POU6F2: variants seen among roughly 807,000 people sequenced by gnomAD.
POU6F2 encodes the protein POU class 6 homeobox 2.
A neutral mutation model predicts 71.3 loss-of-function variants in POU6F2; 31 were observed. That is an observed-to-expected ratio of 0.43 (90% CI 0.33 to 0.59). The LOEUF is 0.59. POU6F2 is among the 20% of genes least tolerant of loss of function. The pLI is 0.04. For synonymous variants in POU6F2, 347 were observed against 355.7 expected, an observed-to-expected ratio of 0.98 and a Z score of 0.27; for missense variants, 783 against 856.8, an observed-to-expected ratio of 0.91 and a Z score of 1.07.
At chr7:38,995,008 A>T (rs1252782762) in intron 1 of POU6F2, among the ~76,000 whole-genome samples, 2 of 152,218 alleles carry the variant, frequency 1.3e-5, no homozygotes, top group East Asian at 3.8e-4. Context: ...CCCCAGAAGA[A>T]ATCCCTGGAA....
chr7:39,263,660 C>T (rs1412062511), intron 4 of POU6F2, among the ~76,000 whole-genome samples: 1 of 97,146 alleles, frequency 1.0e-5, no homozygotes, highest in Non-Finnish European at 2.2e-5. Flanking sequence ...CATGCGTGTT[C>T]ACGCACACAC....
chr7:39,091,878 G>A (rs1791368701), intron 2 of POU6F2, among the ~76,000 whole-genome samples: 1 of 152,220 alleles, frequency 6.6e-6, no homozygotes, highest in African/African-American at 2.4e-5. Flanking sequence ...CAGTTAATTT[G>A]TGAGAGAACT....
At chr7:39,328,224 G>A (rs1011277824) in intron 4 of POU6F2, among the ~76,000 whole-genome samples, 38 of 152,234 alleles carry the variant, frequency 2.5e-4, no homozygotes, top group African/African-American at 9.1e-4. Flanking sequence ...CGACCGAATC[G>A]GGTTTCTTTA....
chr7:39,460,626 G>A lies in POU6F2; in HGVS notation c.1569G>A (p.Arg523=), dbSNP rs756075186. Reference sequence around the variant, plus strand: ...AATTTGCCAAAGCTTTTAAAATCCGGCGCCTGTCCCTTGGCCTGACCCAGA... The same window carrying A: ...AATTTGCCAAAGCTTTTAAAATCCGACGCCTGTCCCTTGGCCTGACCCAGA... ...IREFAKAFKI[R]RLSLGLTQTQ... The change falls in exon 9 of 10, where the codon CGG becomes CGA. Residue 523 remains arginine (R), a synonymous_variant. Coordinates refer to ENST00000518318, the MANE Select transcript of POU6F2 (RefSeq NM_001370959.1). This position sits in a 1 kb window ranked among gnomAD's most constrained non-coding sequence, Gnocchi z 4.4. The A allele has an allele frequency of 4.3e-6, 7 of 1,610,728 alleles. No homozygotes were observed. The highest frequency in any genetic ancestry group is 5.1e-6 in the Non-Finnish European group (6 of 1,178,460).
chr7:39,244,514 T>C (rs1180872379), intron 4 of POU6F2, among the ~76,000 whole-genome samples: 1 of 152,200 alleles, frequency 6.6e-6, no homozygotes, highest in Non-Finnish European at 1.5e-5. Flanking sequence ...GTATGAGAAA[T>C]AGCTGGAACT....
At chr7:39,282,819 A>G (rs1002314327) in intron 4 of POU6F2, among the ~76,000 whole-genome samples, 1 of 152,192 alleles carries the variant, frequency 6.6e-6, no homozygotes, top group African/African-American at 2.4e-5. Flanking sequence ...TTTGTAAAGA[A>G]TGTCACTGGT....
intron 7 of POU6F2, among the ~76,000 whole-genome samples, chr7:39,450,622 A>G (rs1184631432): frequency 1.3e-5 from 2 of 152,166 alleles, no homozygotes; most frequent in Admixed American, 6.5e-5. Context: ...GGAATCATGA[A>G]TAAATGGATA....
chr7:39,434,381 T>A (rs893100746), intron 7 of POU6F2, among the ~76,000 whole-genome samples: 2 of 152,126 alleles, frequency 1.3e-5, no homozygotes, highest in South Asian at 4.2e-4. Flanking sequence ...ATATCATCTT[T>A]GTGCCCCTGT....
chr7:39,004,901 GA>G (rs1789016215), intron 1 of POU6F2, among the ~76,000 whole-genome samples: 1 of 152,168 alleles, frequency 6.6e-6, no homozygotes, highest in Non-Finnish European at 1.5e-5. Flanking sequence ...TCTAACATGT[GA>G]AAAGACACAA....
At chr7:39,367,100 T>C (rs1786516921) in intron 5 of POU6F2, among the ~76,000 whole-genome samples, 1 of 152,128 alleles carries the variant, frequency 6.6e-6, no homozygotes, top group African/African-American at 2.4e-5. Flanking sequence ...TTTTCACCCA[T>C]GGCAAACACT....
intron 2 of POU6F2, among the ~76,000 whole-genome samples, chr7:39,180,231 T>A (rs541259724): frequency 6.7e-4 from 102 of 152,142 alleles, no homozygotes; most frequent in Admixed American, 1.5e-3. Context: ...CAAAGCAAAC[T>A]AGCATGCTTT....
At chr7:39,179,073 T>A (rs887164958) in intron 2 of POU6F2, among the ~76,000 whole-genome samples, 2 of 151,976 alleles carry the variant, frequency 1.3e-5, no homozygotes, top group African/African-American at 4.8e-5. Context: ...ATACCTGGAG[T>A]TTAGATTCCA....
At chr7:39,004,703 G>A (rs1199398150) in intron 1 of POU6F2, among the ~76,000 whole-genome samples, 1 of 152,134 alleles carries the variant, frequency 6.6e-6, no homozygotes, top group Non-Finnish European at 1.5e-5. Context: ...AATGATACTT[G>A]TCTGGGACTA....
chr7:39,205,433 G>A (rs563906691), intron 3 of POU6F2, among the ~76,000 whole-genome samples: 45 of 152,144 alleles, frequency 3.0e-4, no homozygotes, highest in African/African-American at 1.0e-3. Flanking sequence ...AGGAGTGGTG[G>A]CCCTCCGACA....
intron 2 of POU6F2, among the ~76,000 whole-genome samples, chr7:39,193,469 T>C (rs1479470284): frequency 2.0e-5 from 3 of 152,190 alleles, no homozygotes; most frequent in Non-Finnish European, 4.4e-5. Flanking sequence ...TTTTGAAATA[T>C]TTGCATTTTA....
At chr7:39,426,783 A>T (rs1365331024) in intron 6 of POU6F2, among the ~76,000 whole-genome samples, 8 of 152,158 alleles carry the variant, frequency 5.3e-5, no homozygotes, top group Admixed American at 5.2e-4. Flanking sequence ...AGTGAGGAAG[A>T]CACAGATTTT....
At chr7:38,981,152 G>A (rs1306398892) in intron 1 of POU6F2, among the ~76,000 whole-genome samples, 2 of 152,180 alleles carry the variant, frequency 1.3e-5, no homozygotes, top group African/African-American at 4.8e-5. Flanking sequence ...TGTTATTCAT[G>A]GGATGATTTT....
chr7:39,108,836 G>C (rs1385861343), intron 2 of POU6F2, among the ~76,000 whole-genome samples: 1 of 152,138 alleles, frequency 6.6e-6, no homozygotes, highest in African/African-American at 2.4e-5. Context: ...ATGCACTCTT[G>C]AGATGTTTTT....
At chr7:39,085,788 G>T in intron 1 of POU6F2, 72 bp from the exon 2 acceptor site, 1 of 1,442,718 alleles carries the variant, frequency 6.9e-7, no homozygotes, top group Admixed American at 1.9e-5. Context: ...AGAGGGAGAG[G>T]GAGAGAGAGG....
Sources: allele counts gnomAD v4.1 joint callset (sites outside exome capture counted in the v4.1 genomes callset), GRCh38; gene constraint gnomAD v4.1.1; non-coding constraint Gnocchi (gnomAD v3.1); transcripts MANE v1.5; gene names NCBI Gene and HGNC (gene_info 2026-07-23, HGNC 2026-07-21).